DOK6: variants seen among roughly 807,000 people sequenced by gnomAD.
DOK6 encodes the protein docking protein 6.
A neutral mutation model predicts 44.0 loss-of-function variants in DOK6; 22 were observed. That is an observed-to-expected ratio of 0.50 (90% CI 0.36 to 0.71). The LOEUF is 0.71. Among genes scored for constraint, DOK6 ranks in the 30% least tolerant of loss-of-function variants. The pLI is 0.00. For missense variants in DOK6, 340 were observed against 416.4 expected (o/e 0.82, Z 1.60); for synonymous variants, 166 against 145.5 (o/e 1.14, Z -1.01).
intron 1 of DOK6, among the ~76,000 whole-genome samples, chr18:69,417,608 A>G (rs1978374480): frequency 6.6e-6 from 1 of 152,040 alleles, no homozygotes; most frequent in African/African-American, 2.4e-5. Flanking sequence ...TCATATGGCA[A>G]TTCTATGTTC....
chr18:69,501,937 A>G (rs1204792464), intron 1 of DOK6, among the ~76,000 whole-genome samples: 1 of 152,160 alleles, frequency 6.6e-6, no homozygotes, highest in African/African-American at 2.4e-5. Context: ...TGTGTAGGAA[A>G]CAGAAACAGG....
At chr18:69,654,592 TGTC>T (rs1427333149) in intron 3 of DOK6, among the ~76,000 whole-genome samples, 4 of 152,220 alleles carry the variant, frequency 2.6e-5, no homozygotes, top group Non-Finnish European at 5.9e-5. Flanking sequence ...AATGGTGAAT[TGTC>T]ATCCAAATGA....
At chr18:69,652,961 A>G (rs922606393) in intron 3 of DOK6, among the ~76,000 whole-genome samples, 8 of 152,172 alleles carry the variant, frequency 5.3e-5, no homozygotes, top group Non-Finnish European at 1.0e-4. Context: ...CCCTGAGGGG[A>G]TGATGTCTGT....
At chr18:69,765,016 G>T (rs1043946769) in intron 7 of DOK6, among the ~76,000 whole-genome samples, 1 of 152,182 alleles carries the variant, frequency 6.6e-6, no homozygotes, top group South Asian at 2.1e-4. Flanking sequence ...AGAAGGACAG[G>T]ATGGAAATAG....
chr18:69,615,809 G>C (rs1364062815), intron 3 of DOK6, among the ~76,000 whole-genome samples: 2 of 152,150 alleles, frequency 1.3e-5, no homozygotes, highest in African/African-American at 2.4e-5. Flanking sequence ...GTAGTGACCA[G>C]CCTCTACCGT....
intron 6 of DOK6, among the ~76,000 whole-genome samples, chr18:69,747,920 C>A (rs1310037419): frequency 6.6e-6 from 1 of 152,124 alleles, no homozygotes. Context: ...GTCATGTCCA[C>A]AGCAGACATA....
At chr18:69,436,329 C>T (rs779823018) in intron 1 of DOK6, among the ~76,000 whole-genome samples, 11 of 152,052 alleles carry the variant, frequency 7.2e-5, no homozygotes, top group Non-Finnish European at 7.4e-5. Flanking sequence ...GCCCCCTACC[C>T]GCTGACAGGC....
intron 3 of DOK6, among the ~76,000 whole-genome samples, chr18:69,626,867 A>C (rs576145218): frequency 6.6e-6 from 1 of 152,352 alleles, no homozygotes; most frequent in East Asian, 1.9e-4. Flanking sequence ...TCAAAGAGGC[A>C]GTTATAGTTA....
intron 1 of DOK6, among the ~76,000 whole-genome samples, chr18:69,403,378 G>A (rs538324860): frequency 6.6e-6 from 1 of 152,250 alleles, no homozygotes; most frequent in East Asian, 1.9e-4. Flanking sequence ...CATTCACAGC[G>A]TTTGAAATGT....
At chr18:69,777,018 G>T in intron 7 of DOK6, among the ~76,000 whole-genome samples, 1 of 146,528 alleles carries the variant, frequency 6.8e-6, no homozygotes, top group Non-Finnish European at 1.5e-5. Flanking sequence ...GGGAGGGATA[G>T]CATTAGGAGG....
intron 3 of DOK6, among the ~76,000 whole-genome samples, chr18:69,644,195 T>C (rs1985013491): frequency 6.6e-6 from 1 of 152,210 alleles, no homozygotes; most frequent in South Asian, 2.1e-4. Context: ...TTTCCCTTAG[T>C]CTATAGCCTG....
At chr18:69,540,412 T>C (rs1054232986) in intron 1 of DOK6, among the ~76,000 whole-genome samples, 4 of 152,208 alleles carry the variant, frequency 2.6e-5, no homozygotes, top group Non-Finnish European at 5.9e-5. Flanking sequence ...TATTTCTTAT[T>C]TTACCACAAG....
intron 2 of DOK6, among the ~76,000 whole-genome samples, chr18:69,580,474 G>A (rs1160694447): frequency 6.6e-6 from 1 of 152,150 alleles, no homozygotes; most frequent in East Asian, 1.9e-4. Flanking sequence ...AAGCTTCCAT[G>A]ATGAAGCCAG....
chr18:69,635,624 A>T (rs1984787284), intron 3 of DOK6, among the ~76,000 whole-genome samples: 2 of 152,198 alleles, frequency 1.3e-5, no homozygotes, highest in Non-Finnish European at 2.9e-5. Context: ...GGTTGTAAAC[A>T]CATGGTGATA....
At chr18:69,586,384 C>A (rs974966379) in intron 2 of DOK6, among the ~76,000 whole-genome samples, 1 of 152,172 alleles carries the variant, frequency 6.6e-6, no homozygotes, top group African/African-American at 2.4e-5. Context: ...TCTCCAGGGT[C>A]ATTCAGCCTA....
chr18:69,678,209 A>G (rs12955367), intron 4 of DOK6, among the ~76,000 whole-genome samples: 1 of 152,170 alleles, frequency 6.6e-6, no homozygotes. Context: ...AGATCACGCC[A>G]CTGCACTCCA....
chr18:69,405,160 T>C (rs559278520), intron 1 of DOK6, among the ~76,000 whole-genome samples: 1 of 152,312 alleles, frequency 6.6e-6, no homozygotes, highest in East Asian at 1.9e-4. Flanking sequence ...TTCTCCCTTC[T>C]TGATTAAAAC....
intron 7 of DOK6, among the ~76,000 whole-genome samples, chr18:69,840,404 G>A (rs1021597767): frequency 2.0e-5 from 3 of 152,140 alleles, no homozygotes; most frequent in African/African-American, 7.2e-5. Flanking sequence ...GGATGAGGGG[G>A]AAAAAACAAA....
intron 1 of DOK6, among the ~76,000 whole-genome samples, chr18:69,485,607 A>C (rs1160687679): frequency 6.6e-6 from 1 of 152,108 alleles, no homozygotes; most frequent in South Asian, 2.1e-4. Flanking sequence ...CCTTCAGAGG[A>C]GTGAAGGGTA....
Sources: allele counts gnomAD v4.1 joint callset (sites outside exome capture counted in the v4.1 genomes callset), GRCh38; gene constraint gnomAD v4.1.1; transcripts MANE v1.5; gene names NCBI Gene and HGNC (gene_info 2026-07-23, HGNC 2026-07-21).